Variants in HDAC9 observed in about 807,000 individuals in gnomAD.
HDAC9 encodes histone deacetylase 9, also known as MEF-2 interacting transcription repressor (MITR) protein.
In HDAC9, 41 loss-of-function variants were observed where a neutral mutation model predicts 139.4. The ratio of observed to expected loss-of-function variants is 0.29; its 90% CI spans 0.23 to 0.38. The LOEUF is 0.38. HDAC9 is among the 10% of genes least tolerant of loss of function. The pLI, the probability that HDAC9 is intolerant of heterozygous loss-of-function variation, is 1.00. For synonymous variants in HDAC9, 517 were observed against 476.2 expected (o/e 1.09, Z -1.12); for missense variants, 1,147 against 1,297.0 (o/e 0.88, Z 1.78).
At chr7:18,111,614 A>T (rs1056471277) in intron 1 of HDAC9, among the ~76,000 whole-genome samples, 2 of 152,234 alleles carry the variant, frequency 1.3e-5, no homozygotes, top group Admixed American at 6.5e-5. Context: ...CTAATTCAGT[A>T]TAAATGCTAT....
chr7:18,839,216 C>A (rs1436120582), intron 21 of HDAC9, among the ~76,000 whole-genome samples: 1 of 151,962 alleles, frequency 6.6e-6, no homozygotes, highest in Non-Finnish European at 1.5e-5. Context: ...GTCTTACATG[C>A]CAGGTCCTAG....
At chr7:18,256,672 G>T (rs1795265171) in intron 2 of HDAC9, among the ~76,000 whole-genome samples, 2 of 152,164 alleles carry the variant, frequency 1.3e-5, no homozygotes, top group Non-Finnish European at 1.5e-5. Flanking sequence ...AACAGATAAT[G>T]GTGGAATGTT....
intron 12 of HDAC9, among the ~76,000 whole-genome samples, chr7:18,705,418 C>T (rs1783811128): frequency 2.0e-5 from 3 of 152,152 alleles, no homozygotes; most frequent in Admixed American, 6.5e-5. Flanking sequence ...ACTCCCCACC[C>T]GAGCCACACA....
chr7:18,532,463 T>C (rs1809351952), intron 2 of HDAC9, among the ~76,000 whole-genome samples: 1 of 152,158 alleles, frequency 6.6e-6, no homozygotes, highest in Non-Finnish European at 1.5e-5. Context: ...TCATTTAAAA[T>C]ATACCAATTC....
chr7:18,127,359 G>A (rs865868547), intron 1 of HDAC9: 16 of 170,130 alleles, frequency 9.4e-5, no homozygotes, highest in Middle Eastern at 1.0e-3. Flanking sequence ...ATTATTACTT[G>A]TGAAATTTGG....
intron 6 of HDAC9, among the ~76,000 whole-genome samples, chr7:18,627,691 A>G (rs987224953): frequency 2.0e-5 from 3 of 152,106 alleles, no homozygotes; most frequent in Admixed American, 1.3e-4. Context: ...GTTTGCCTTC[A>G]TGTGGGAGTC....
chr7:18,646,712 T>C (rs1367594082), intron 9 of HDAC9, among the ~76,000 whole-genome samples: 1 of 152,152 alleles, frequency 6.6e-6, no homozygotes, highest in Non-Finnish European at 1.5e-5. Flanking sequence ...AAAAGAAACA[T>C]GCCACATAAT....
At chr7:18,507,443 T>C (rs899136336) in intron 2 of HDAC9, among the ~76,000 whole-genome samples, 2 of 151,954 alleles carry the variant, frequency 1.3e-5, no homozygotes, top group Non-Finnish European at 2.9e-5. Flanking sequence ...TCCGCCCGCC[T>C]CGGCCTCCCA....
intron 1 of HDAC9, among the ~76,000 whole-genome samples, chr7:18,301,202 A>G (rs544159895): frequency 1.3e-5 from 2 of 152,304 alleles, no homozygotes; most frequent in South Asian, 2.1e-4. Flanking sequence ...AAATTGCTCA[A>G]TTGAAACTTC....
chr7:18,279,181 C>A (rs759610749), intron 2 of HDAC9, among the ~76,000 whole-genome samples: 1 of 152,104 alleles, frequency 6.6e-6, no homozygotes, highest in Non-Finnish European at 1.5e-5. Context: ...TTTTATTAAA[C>A]GTACTTGACA....
intron 24 of HDAC9, among the ~76,000 whole-genome samples, chr7:18,955,318 GA>G (rs1783074424): frequency 6.6e-6 from 1 of 152,056 alleles, no homozygotes; most frequent in Non-Finnish European, 1.5e-5. Flanking sequence ...ATTGGGGCTA[GA>G]TAAAGAGGGT....
In HDAC9 at chr7:18,680,304, G is replaced by A. The variant is rs530298019; in HGVS notation, c.1731+13828G>A. Among the ~76,000 whole-genome samples, 120 of 152,048 alleles carry A rather than the reference G, an allele frequency of 7.9e-4. 1 individual carries two copies. The highest frequency in any genetic ancestry group is 2.7e-3 in the African/African-American group (112 of 41,518). Reference sequence around the variant, plus strand: ...CATTTATCTCTTCATCTTCAGTTGCGTAATGAGGAGGAAGAAATTAAAAGT... The same window carrying A: ...CATTTATCTCTTCATCTTCAGTTGCATAATGAGGAGGAAGAAATTAAAAGT... On this transcript the variant is annotated intron_variant, in intron 12 of 25. Transcript: ENST00000686413.
intron 22 of HDAC9, among the ~76,000 whole-genome samples, chr7:18,885,764 T>C (rs1484839345): frequency 1.2e-4 from 18 of 152,224 alleles, no homozygotes; most frequent in Admixed American, 7.9e-4. Flanking sequence ...ACAATGACTT[T>C]TTTGTGTAAA....
intron 1 of HDAC9, among the ~76,000 whole-genome samples, chr7:18,339,386 A>C (rs1326606230): frequency 6.6e-6 from 1 of 151,342 alleles, no homozygotes; most frequent in Non-Finnish European, 1.5e-5. Flanking sequence ...CTTCTTTTCT[A>C]CTATAGGCAC....
intron 2 of HDAC9, among the ~76,000 whole-genome samples, chr7:18,510,002 C>A (rs1188188460): frequency 1.3e-5 from 2 of 152,120 alleles, no homozygotes; most frequent in Non-Finnish European, 2.9e-5. Flanking sequence ...TGTTATTGCA[C>A]AATGTGTTTT....
At chr7:18,990,100 A>G (rs1411405546) in intron 25 of HDAC9, among the ~76,000 whole-genome samples, 1 of 152,176 alleles carries the variant, frequency 6.6e-6, no homozygotes, top group African/African-American at 2.4e-5. Flanking sequence ...CTGGTGAGGA[A>G]CTGAGTTCCT....
intron 2 of HDAC9, among the ~76,000 whole-genome samples, chr7:18,514,168 A>G (rs893450770): frequency 1.3e-5 from 2 of 152,214 alleles, no homozygotes; most frequent in Non-Finnish European, 2.9e-5. Flanking sequence ...GTGTATATGC[A>G]TATACAATGT....
chr7:18,231,843 G>A (rs1793481987), intron 2 of HDAC9, among the ~76,000 whole-genome samples: 1 of 152,122 alleles, frequency 6.6e-6, no homozygotes, highest in African/African-American at 2.4e-5. Context: ...CGATTTGAGT[G>A]TAATTTTCTC....
At chr7:18,110,184 G>T (rs1361868732) in intron 1 of HDAC9, among the ~76,000 whole-genome samples, 1 of 152,272 alleles carries the variant, frequency 6.6e-6, no homozygotes, top group South Asian at 2.1e-4. Flanking sequence ...AGAACAAATG[G>T]TTTGTCTTTT....
Sources: allele counts gnomAD v4.1 joint callset (sites outside exome capture counted in the v4.1 genomes callset), GRCh38; gene constraint gnomAD v4.1.1; transcripts MANE v1.5; gene names NCBI Gene and HGNC (gene_info 2026-07-23, HGNC 2026-07-21).